Variants in LAG3 observed in about 807,000 individuals in gnomAD.
The protein encoded by LAG3 is lymphocyte activating 3.
A neutral mutation model predicts 49.0 loss-of-function variants in LAG3; 29 were observed. The ratio of observed to expected loss-of-function variants is 0.59; its 90% CI spans 0.44 to 0.81. LAG3 has a LOEUF of 0.81. Ranked by LOEUF, LAG3 falls within the 30% of genes least tolerant of loss-of-function variation. The pLI, the probability that LAG3 is intolerant of heterozygous loss-of-function variation, is 0.00. For missense variants in LAG3, 693 were observed against 695.2 expected (o/e 1.00, Z 0.04); for synonymous variants, 320 against 297.3 (o/e 1.08, Z -0.79).
Position 6,773,904 on chromosome 12 carries a change from A to G in LAG3, c.414A>G (p.Pro138=). 7.2e-7 allele frequency: 1 copy of G among 1,383,622 alleles called. No homozygotes were observed. Among genetic ancestry groups the G allele is most frequent in the South Asian group, 1.6e-5 (1 of 61,844 alleles). The allele number at this position is 1,383,622 out of a possible 1,614,324, so 85.7% of individuals were successfully genotyped here. A position where few individuals can be genotyped will look rare whatever the true frequency, so the allele number is the denominator to read the frequency against. Reference sequence around the variant, plus strand: ...GGGACTTCTCGCTATGGCTGCGCCCAGCCCGGCGCGCGGACGCCGGCGAGT... The same window carrying G: ...GGGACTTCTCGCTATGGCTGCGCCCGGCCCGGCGCGCGGACGCCGGCGAGT... ...QRGDFSLWLR[P]ARRADAGEYR... Residue 138 remains proline, a synonymous_variant, in exon 3 of 8, where the codon CCA becomes CCG. Transcript: ENST00000203629. The surrounding 1 kb of genome is among the most constrained non-coding windows in gnomAD (Gnocchi z 5.5).
intron 6 of LAG3, 52 bp downstream of exon 6, chr12:6,777,558 C>G: frequency 6.3e-7 from 1 of 1,590,330 alleles, no homozygotes; most frequent in Non-Finnish European, 8.6e-7. Context: ...TAATCTTTAT[C>G]CTCCTTCCAG....
intron 6 of LAG3, 89 bp from the exon 7 acceptor site, chr12:6,777,702 G>A: frequency 6.5e-7 from 1 of 1,529,090 alleles, no homozygotes; most frequent in Non-Finnish European, 9.0e-7. Flanking sequence ...TAAACTCTCT[G>A]GATCTCATTG....
chr12:6,776,531 T>C (rs1318622009), intron 5 of LAG3, among the ~76,000 whole-genome samples: 1 of 152,232 alleles, frequency 6.6e-6, no homozygotes, highest in African/African-American at 2.4e-5. Flanking sequence ...CTCAGGTGTC[T>C]GCATCACCAA....
chr12:6,775,034 A>G (rs1305456398), intron 4 of LAG3, among the ~76,000 whole-genome samples, 170 bp downstream of exon 4: 1 of 151,950 alleles, frequency 6.6e-6, no homozygotes, highest in East Asian at 1.9e-4. Flanking sequence ...CACAGCTGCC[A>G]TCACCCCTTC....
chr12:6,778,168 G>A, intron 7 of LAG3, 76 bp from the exon 8 acceptor site: 1 of 1,430,086 alleles, frequency 7.0e-7, no homozygotes, highest in Non-Finnish European at 9.6e-7. Context: ...GAGGGACTCA[G>A]TGTCCCTCCT....
Position 6,773,594 on chromosome 12 carries a change from G to A in LAG3, c.207-103G>A. ...GTGAGGGGACGGTTGGTGGTCAAGA[G>A]AACTCTTGGGGCGGGCTTTCTCATC... On this transcript the variant is annotated intron_variant, in intron 2 of 7. Coordinates refer to ENST00000203629, the MANE Select transcript of LAG3 (RefSeq NM_002286.6). This position sits in a 1 kb window ranked among gnomAD's most constrained non-coding sequence, Gnocchi z 5.5. The A allele has an allele frequency of 7.6e-7, 1 of 1,309,262 alleles. No individual in the cohort carries two copies. The highest frequency in any genetic ancestry group is 9.8e-7 in the Non-Finnish European group (1 of 1,020,726). The allele number at this position is 1,309,262 out of a possible 1,614,324, so 81.1% of individuals were successfully genotyped here.
In LAG3 at chr12:6,778,382, C is replaced by T; in HGVS notation, c.1570C>T (p.Gln524Ter). 4 of 1,610,532 alleles carry T rather than the reference C, an allele frequency of 2.5e-6. No homozygotes were observed. In the South Asian group the frequency reaches 3.3e-5, roughly 13 times the overall value. The change falls in exon 8 of 8, where the codon CAG (glutamine) becomes TAG (stop). Residue 524 changes from glutamine (Q) to a stop codon, truncating the protein, a stop_gained. Coordinates refer to ENST00000203629, the MANE Select transcript of LAG3 (RefSeq NM_002286.6). LOFTEE classifies it high-confidence loss of function. ...GCCCGAGCCCGAGCCCGAGCCGGAG[C>T]AGCTCTGACCTGGAGCTGAGGCAGC... ...PEPEPEPEPE[Q>*]L
rs1941859729 is a variant in LAG3, at chr12:6,772,902, T to C, written c.50T>C (p.Val17Ala). ...TTGCTGTTTCTGCAGCCGCTTTGGG[T>C]GGCTCCAGGTAAAACGGGGATGGCG... ...LGLLFLQPLWVAPVKPLQPGA... is the reference protein window; with the variant it reads ...LGLLFLQPLWAAPVKPLQPGA... Residue 17 changes from valine (V) to alanine (A), a missense_variant, in exon 1 of 8, where the codon GTG (valine) becomes GCG (alanine). Physicochemically the swap from Val to Ala is moderately conservative, Grantham distance 64. Transcript: ENST00000203629. 6.2e-7 allele frequency: 1 copy of C among 1,613,476 alleles called. No homozygotes were observed. Among genetic ancestry groups the C allele is most frequent in the South Asian group, 1.1e-5 (1 of 91,068 alleles).
At position 6,775,357 on chromosome 12, in the gene LAG3, G is replaced by C. The variant is rs1289651879; in HGVS notation, c.866G>C (p.Gly289Ala). The C allele has an allele frequency of 1.2e-6, 2 of 1,614,210 alleles. No homozygotes were observed. The highest frequency in any genetic ancestry group is 1.7e-6 in the Non-Finnish European group (2 of 1,180,046). Residue 289 changes from glycine to alanine, a missense_variant, in exon 5 of 8, where the codon GGG (glycine) becomes GCG (alanine). By Grantham distance (60) the Gly-to-Ala change is moderately conservative (BLOSUM62 0). Transcript: ENST00000203629. ...CCCTGCCGCCTGCCTGCTGGTGTGG[G>C]GACCCGGTCTTTCCTCACTGCCAAG... ...GLPCRLPAGV[G>A]TRSFLTAKWT...
intron 5 of LAG3, 38 bp from the exon 6 acceptor site, chr12:6,777,226 C>T: frequency 1.9e-6 from 3 of 1,612,486 alleles, no homozygotes; most frequent in Non-Finnish European, 2.5e-6. Context: ...GTAAGGGGGG[C>T]AGAATCCCAA....
chr12:6,774,927 CCTAA>C lies in LAG3; in HGVS notation c.781+67_781+70del, dbSNP rs960656061. The stretch of plus-strand genomic sequence containing the variant: ...CCTTCCTGCCCCCCTTGTCACCTCC[CCTAA>C]CTATGGGTCCCCAAACCAGGTTCTC... On this transcript the variant is annotated intron_variant, in intron 4 of 7. Transcript: ENST00000203629. 8 of 1,517,020 alleles carry C rather than the reference CCTAA, an allele frequency of 5.3e-6. No individual in the cohort carries two copies. The African/African-American group carries it at 6.9e-5, about 13-fold the overall frequency. 94.0% of individuals were successfully genotyped at this position (1,517,020 alleles called of 1,614,324 possible).
At chr12:6,775,684 T>C (rs1251599900) in intron 5 of LAG3, 136 bp downstream of exon 5, 7 of 782,868 alleles carry the variant, frequency 8.9e-6, no homozygotes, top group South Asian at 1.8e-5. Flanking sequence ...AGCCTGCCCA[T>C]CTCGGCCCCC....
At position 6,773,950 on chromosome 12, in the gene LAG3, A is replaced by G. The variant is rs1592495640; in HGVS notation, c.460A>G (p.Arg154Gly). 4 of 1,435,580 alleles carry G rather than the reference A, an allele frequency of 2.8e-6. No homozygotes were observed. Among genetic ancestry groups the G allele is most frequent in the Admixed American group, 2.9e-5 (1 of 34,628 alleles). 88.9% of individuals were successfully genotyped at this position (1,435,580 alleles called of 1,614,324 possible). A position where few individuals can be genotyped will look rare whatever the true frequency, so the allele number is the denominator to read the frequency against. Residue 154 changes from arginine (R) to glycine (G), a missense_variant, in exon 3 of 8, where the codon AGG (arginine) becomes GGG (glycine). Coordinates refer to ENST00000203629, the MANE Select transcript of LAG3 (RefSeq NM_002286.6). The surrounding 1 kb of genome is among the most constrained non-coding windows in gnomAD (Gnocchi z 5.5). ...AGEYRAAVHLRDRALSCRLRL... is the reference protein window; with the variant it reads ...AGEYRAAVHLGDRALSCRLRL... ...CGAGTACCGCGCCGCGGTGCACCTC[A>G]GGGACCGCGCCCTCTCCTGCCGCCT...
At chr12:6,774,484 AGAC>A in intron 3 of LAG3, 108 bp from the exon 4 acceptor site, 1 of 1,230,840 alleles carries the variant, frequency 8.1e-7, no homozygotes, top group South Asian at 1.4e-5. Flanking sequence ...GGAGAGGAGA[AGAC>A]AAGTCTAAAG....
intron 3 of LAG3, 150 bp downstream of exon 3, chr12:6,774,151 T>G (rs896079146): frequency 7.3e-5 from 92 of 1,264,376 alleles, no homozygotes; most frequent in South Asian, 4.2e-5. Flanking sequence ...GGCGGCCTGC[T>G]GGAGTGGAAG....
chr12:6,777,900 C>A lies in LAG3; in HGVS notation c.1410C>A (p.Gly470=), dbSNP rs769314616. The A allele has an allele frequency of 3.7e-6, 6 of 1,613,740 alleles. No homozygotes were observed. The highest frequency in any genetic ancestry group is 5.1e-6 in the Non-Finnish European group (6 of 1,179,944). ...TCCTTTTGGTGACTGGAGCCTTTGG[C>A]TTTCACCTTTGGAGAAGACAGGTGA... ...SLLLLVTGAF[G]FHLWRRQWRP... Residue 470 remains glycine, a synonymous_variant, in exon 7 of 8, where the codon GGC becomes GGA. Coordinates refer to ENST00000203629, the MANE Select transcript of LAG3 (RefSeq NM_002286.6).
rs1941863378 is a variant in LAG3 at position 6,773,269 on chromosome 12, C to T, written c.136C>T (p.Pro46Ser). The stretch of plus-strand genomic sequence containing the variant: ...GGCTCCTGCCCAGCTCCCCTGCAGC[C>T]CCACAATCCCCCTCCAGGATCTCAG... Reference protein sequence around the residue: ...EGAPAQLPCSPTIPLQDLSLL... With the variant: ...EGAPAQLPCSSTIPLQDLSLL... Residue 46 changes from proline to serine, a missense_variant, in exon 2 of 8, where the codon CCC becomes TCC. Coordinates refer to ENST00000203629, the MANE Select transcript of LAG3 (RefSeq NM_002286.6). The surrounding 1 kb of genome is among the most constrained non-coding windows in gnomAD (Gnocchi z 5.5). 3.1e-6 allele frequency: 5 copies of T among 1,613,514 alleles called. No individual in the cohort carries two copies. Among genetic ancestry groups the T allele is most frequent in the East Asian group, 2.2e-5 (1 of 44,874 alleles).
At chr12:6,777,732 A>G in intron 6 of LAG3, 59 bp from the exon 7 acceptor site, 10 of 1,588,152 alleles carry the variant, frequency 6.3e-6, no homozygotes, top group Non-Finnish European at 8.6e-6. Flanking sequence ...AGTCTGAGAG[A>G]ATGACAAAGT....
At chr12:6,777,579 G>A (rs1295235044) in intron 6 of LAG3, 73 bp downstream of exon 6, 15 of 1,550,752 alleles carry the variant, frequency 9.7e-6, no homozygotes, top group Non-Finnish European at 1.0e-5. Context: ...AACAGCCCCT[G>A]CCACCCCCAT....
Sources: gnomAD v4.1 joint callset for allele counts (sites outside exome capture counted in the v4.1 genomes callset) on GRCh38, gnomAD v4.1.1 for gene constraint, Gnocchi (gnomAD v3.1) non-coding constraint, MANE v1.5 for transcripts, NCBI Gene and HGNC (gene_info 2026-07-23, HGNC 2026-07-21) for gene names.